Variants in AFG2A observed in about 807,000 individuals in gnomAD.
AFG2A encodes the protein AAA ATPase AFG2A, also known as ATPase family gene 2 protein homolog A.
the AFG2A span, among the ~76,000 whole-genome samples, chr4:123,224,912 G>C: frequency 6.6e-6 from 1 of 152,014 alleles, no homozygotes; most frequent in Non-Finnish European, 1.5e-5. Context: ...TCTAACTGTT[G>C]TGAGATGGTA....
the AFG2A span, among the ~76,000 whole-genome samples, chr4:123,069,280 G>A: frequency 1.3e-5 from 2 of 152,122 alleles, no homozygotes; most frequent in Non-Finnish European, 2.9e-5. Context: ...TGCACAAAAG[G>A]CCATTCAGTC....
At chr4:122,963,405 C>G in the AFG2A span, among the ~76,000 whole-genome samples, 1 of 152,136 alleles carries the variant, frequency 6.6e-6, no homozygotes, top group African/African-American at 2.4e-5. Context: ...GAGGTAAGCA[C>G]TCAGTGAGGA....
the AFG2A span, among the ~76,000 whole-genome samples, chr4:122,981,561 T>A: frequency 6.6e-6 from 1 of 151,536 alleles, no homozygotes; most frequent in South Asian, 2.1e-4. Flanking sequence ...TAGAGAAAAA[T>A]GCCATTGGAA....
At chr4:123,062,338 C>T in the AFG2A span, among the ~76,000 whole-genome samples, 1 of 152,110 alleles carries the variant, frequency 6.6e-6, no homozygotes, top group Non-Finnish European at 1.5e-5. Flanking sequence ...CACTATATAC[C>T]ATATGGCCTA....
the AFG2A span, among the ~76,000 whole-genome samples, chr4:122,971,934 G>C: frequency 6.6e-6 from 1 of 152,174 alleles, no homozygotes; most frequent in South Asian, 2.1e-4. Context: ...TTTTGTTTAA[G>C]ATATTTGCAC....
chr4:123,090,544 TAA>T, the AFG2A span: 7 of 1,611,176 alleles, frequency 4.3e-6, no homozygotes, highest in Non-Finnish European at 5.9e-6. Flanking sequence ...TGAAGATAAG[TAA>T]AGATATTTTT....
chr4:122,998,853 T>C, the AFG2A span, among the ~76,000 whole-genome samples: 1 of 152,206 alleles, frequency 6.6e-6, no homozygotes, highest in East Asian at 1.9e-4. Flanking sequence ...GGTCAAATGG[T>C]ATTTCTAGTT....
chr4:123,143,688 G>C, the AFG2A span, among the ~76,000 whole-genome samples: 1 of 151,550 alleles, frequency 6.6e-6, no homozygotes, highest in Non-Finnish European at 1.5e-5. Flanking sequence ...TCTCCAATCT[G>C]TGGAAACATG....
chr4:123,218,234 A>C, the AFG2A span, among the ~76,000 whole-genome samples: 1,031 of 152,284 alleles, frequency 6.8e-3, 12 homozygotes, highest in African/African-American at 0.023. Context: ...ATTATTTGCT[A>C]TTTGTACTGG....
At chr4:123,307,679 A>G in the AFG2A span, among the ~76,000 whole-genome samples, 2 of 152,268 alleles carry the variant, frequency 1.3e-5, no homozygotes, top group South Asian at 4.1e-4. Context: ...CTAATTCTCC[A>G]AAATAATATA....
chr4:123,098,198 T>C, the AFG2A span, among the ~76,000 whole-genome samples: 2 of 152,096 alleles, frequency 1.3e-5, no homozygotes, highest in African/African-American at 2.4e-5. Flanking sequence ...CTGTTGTTCA[T>C]ATATGAACCT....
the AFG2A span, among the ~76,000 whole-genome samples, chr4:123,099,262 T>C: frequency 6.6e-6 from 1 of 151,904 alleles, no homozygotes; most frequent in African/African-American, 2.4e-5. Context: ...TAACACCTTA[T>C]CAGGTTTGGT....
the AFG2A span, among the ~76,000 whole-genome samples, chr4:122,943,151 C>T: frequency 6.6e-6 from 1 of 152,120 alleles, no homozygotes; most frequent in Non-Finnish European, 1.5e-5. Flanking sequence ...TCTATTAGGT[C>T]CACTTGTTGC....
chr4:122,952,803 C>G, the AFG2A span, among the ~76,000 whole-genome samples: 1,838 of 152,306 alleles, frequency 0.012, 41 homozygotes, highest in African/African-American at 0.041. Flanking sequence ...TCTTGACTCT[C>G]TGCGGCAATG....
chr4:123,110,654 A>G, the AFG2A span, among the ~76,000 whole-genome samples: 1 of 152,202 alleles, frequency 6.6e-6, no homozygotes, highest in Admixed American at 6.5e-5. Flanking sequence ...GATAATAACA[A>G]TTATTACCAC....
the AFG2A span, among the ~76,000 whole-genome samples, chr4:123,195,174 C>T: frequency 1.3e-5 from 2 of 152,142 alleles, no homozygotes; most frequent in Admixed American, 1.3e-4. Context: ...TGTATCAAAC[C>T]ACGTGGTATT....
the AFG2A span, among the ~76,000 whole-genome samples, chr4:123,161,701 A>G: frequency 7.2e-5 from 11 of 152,196 alleles, no homozygotes; most frequent in Non-Finnish European, 7.3e-5. Flanking sequence ...AAATACTGTC[A>G]TGAGATTTTA....
the AFG2A span, among the ~76,000 whole-genome samples, chr4:122,980,837 ATTGT>A: frequency 4.6e-5 from 7 of 151,570 alleles, no homozygotes; most frequent in Admixed American, 2.6e-4. Context: ...TTTTAATCAG[ATTGT>A]TTGTTTTTTT....
the AFG2A span, chr4:122,979,100 C>A: frequency 1.9e-6 from 2 of 1,068,696 alleles, no homozygotes; most frequent in Non-Finnish European, 2.6e-6. Flanking sequence ...GAGTATGCAG[C>A]CCTGGCCACG....
Sources: gnomAD v4.1 joint callset for allele counts (sites outside exome capture counted in the v4.1 genomes callset) on GRCh38, gnomAD v4.1.1 for gene constraint, MANE v1.5 for transcripts, NCBI Gene and HGNC (gene_info 2026-07-23, HGNC 2026-07-21) for gene names.